MASP1: variants seen among roughly 807,000 people sequenced by gnomAD.
The protein encoded by MASP1 is MBL associated serine protease 1.
Under a neutral mutation model 77.1 loss-of-function variants are expected in MASP1, and 59 were observed. That is an observed-to-expected ratio of 0.77 (90% CI 0.62 to 0.95). The LOEUF is 0.95. Ranked by LOEUF, MASP1 falls within the 40% of genes least tolerant of loss-of-function variation. The pLI, the probability that MASP1 is intolerant of heterozygous loss-of-function variation, is 0.00. For synonymous variants in MASP1, 362 were observed against 354.5 expected (o/e 1.02, Z -0.24); for missense variants, 885 against 912.9 (o/e 0.97, Z 0.39).
rs150931081 is a variant in MASP1 at position 187,272,797 on chromosome 3, G to A, written c.238-10077C>T. Reference sequence around the variant, plus strand: ...TCAGACTTTTCACCTCCAGAACTGCGTGAGAACAAATTTCTGTTGTTAAGA... The same window carrying A: ...TCAGACTTTTCACCTCCAGAACTGCATGAGAACAAATTTCTGTTGTTAAGA... On this transcript the variant is annotated intron_variant, in intron 2 of 10. Transcript: ENST00000296280. 3.1e-3 allele frequency among the ~76,000 whole-genome samples: 479 copies of A among 152,238 alleles called. 4 individuals are homozygous for A. The highest frequency in any genetic ancestry group is 0.01 in the African/African-American group (435 of 41,544).
chr3:187,226,454 AGGGTCGGATCTTCCGGATCGAGT>A lies in MASP1; in HGVS notation c.1485_1507del (p.Leu496ThrfsTer2), dbSNP rs1712434439. 6.2e-7 allele frequency: 1 copy of A among 1,613,142 alleles called. No individual in the cohort carries two copies. Among genetic ancestry groups the A allele is most frequent in the East Asian group, 2.2e-5 (1 of 44,848 alleles). On this transcript the variant is annotated frameshift_variant, in exon 12 of 16. Transcript: ENST00000337774. LOFTEE classifies it high-confidence loss of function. ...AGGGCTGAGCAAGTCTGAATCACGT[AGGGTCGGATCTTCCGGATCGAGT>A]GACTGGTGGAGGCAGTGTGCGGCGG...
chr3:187,285,974 G>T lies in MASP1; in HGVS notation c.88C>A (p.Gln30Lys), dbSNP rs1171739491. The T allele has an allele frequency of 6.2e-7, 1 of 1,614,184 alleles. No individual in the cohort carries two copies. The highest frequency in any genetic ancestry group is 1.1e-5 in the South Asian group (1 of 91,078). ...TCTGGATAACCAGGCGACTGGATCT[G>T]GCCAAACATATTGTTTAGCTCCACG... ...HTVELNNMFG[Q>K]IQSPGYPDSY... Residue 30 changes from glutamine (Q) to lysine (K), a missense_variant, in exon 2 of 11, where the codon CAG (glutamine) becomes AAG (lysine). By Grantham distance (53) the Gln-to-Lys change is moderately conservative. Coordinates refer to ENST00000296280, the MANE Select transcript of MASP1 (RefSeq NM_139125.4).
intron 12 of MASP1, chr3:187,226,299 A>G (rs964178988): frequency 4.8e-6 from 4 of 835,694 alleles, no homozygotes; most frequent in Non-Finnish European, 8.1e-6. Flanking sequence ...TCCTGCCCTG[A>G]CAAATGAGTG....
intron 10 of MASP1, 133 bp downstream of exon 10, chr3:187,241,348 G>A (rs1210980647): frequency 1.3e-6 from 1 of 755,038 alleles, no homozygotes; most frequent in Non-Finnish European, 2.4e-6. Flanking sequence ...TTAACCTTTT[G>A]AAGACATCTC....
intron 6 of MASP1, 86 bp downstream of exon 6, chr3:187,253,082 C>T: frequency 7.0e-6 from 11 of 1,576,180 alleles, no homozygotes; most frequent in Non-Finnish European, 9.6e-6. Context: ...AGAGGAGATC[C>T]AAGCCTGCAC....
chr3:187,236,430 A>G lies in MASP1; in HGVS notation c.1441T>C (p.Phe481Leu). The G allele has an allele frequency of 6.2e-7, 1 of 1,614,032 alleles. No individual in the cohort carries two copies. Among genetic ancestry groups the G allele is most frequent in the Non-Finnish European group, 8.5e-7 (1 of 1,180,002 alleles). Residue 481 changes from phenylalanine (F) to leucine (L), a missense_variant, in exon 11 of 11, where the codon TTT becomes CTT. Coordinates refer to ENST00000296280, the MANE Select transcript of MASP1 (RefSeq NM_139125.4). ...DTSRVPNDKW[F>L]GSGALLSASW... ...GCAGAGAGCAGGGCCCCACTCCCAA[A>G]CCACTTGTCATTTGGCACTCTCGAA...
At position 187,262,966 on chromosome 3, in the gene MASP1, C is replaced by A. The variant is rs541076962; in HGVS notation, c.238-246G>T. On this transcript the variant is annotated intron_variant, in intron 2 of 10. Coordinates refer to ENST00000296280, the MANE Select transcript of MASP1 (RefSeq NM_139125.4). ...GTAGCTTGATATTTGTTGTTGCTGT[C>A]AATAACCAAGCAGCTTATTTATTAA... 8.8e-4 allele frequency: 433 copies of A among 493,872 alleles called. 5 individuals are homozygous for A. In the South Asian group the frequency reaches 0.011, roughly 13 times the overall value. The allele number at this position is 493,872 out of a possible 1,614,324, so 30.6% of individuals were successfully genotyped here.
chr3:187,223,531 A>G (rs1001736076), intron 13 of MASP1, among the ~76,000 whole-genome samples: 4 of 152,194 alleles, frequency 2.6e-5, no homozygotes, highest in Admixed American at 2.0e-4. Flanking sequence ...ATGCTGTCAC[A>G]TAGTAGGTGC....
At chr3:187,279,947 T>C (rs552136331) in intron 2 of MASP1, among the ~76,000 whole-genome samples, 25 of 152,356 alleles carry the variant, frequency 1.6e-4, no homozygotes, top group African/African-American at 6.0e-4. Flanking sequence ...TTATAGTTCA[T>C]TTTACTTCGA....
chr3:187,221,347 C>A (rs1412853518), intron 14 of MASP1, among the ~76,000 whole-genome samples: 1 of 152,178 alleles, frequency 6.6e-6, no homozygotes, highest in Non-Finnish European at 1.5e-5. Flanking sequence ...GCTGTGAAGA[C>A]CTTGGCTGTG....
intron 12 of MASP1, among the ~76,000 whole-genome samples, chr3:187,225,789 G>A (rs775851577): frequency 1.3e-5 from 2 of 152,194 alleles, no homozygotes; most frequent in Non-Finnish European, 2.9e-5. Flanking sequence ...ATCACCTTCA[G>A]TGCCTGTGTC....
At chr3:187,270,993 A>G (rs1018376804) in intron 2 of MASP1, among the ~76,000 whole-genome samples, 14 of 152,246 alleles carry the variant, frequency 9.2e-5, no homozygotes, top group African/African-American at 2.9e-4. Context: ...ATATTGTTTT[A>G]GCTGCTAAGT....
At chr3:187,224,041 C>T (rs1712229367) in intron 13 of MASP1, among the ~76,000 whole-genome samples, 1 of 152,216 alleles carries the variant, frequency 6.6e-6, no homozygotes. Flanking sequence ...TACACCTGTG[C>T]CTTTCCTGTT....
downstream of MASP1, chr3:187,234,047 C>T (rs117249297): frequency 5.8e-6 from 7 of 1,200,382 alleles, no homozygotes; most frequent in East Asian, 4.1e-4. Flanking sequence ...AATGAACACA[C>T]TTCCCCAACA....
intron 2 of MASP1, among the ~76,000 whole-genome samples, chr3:187,264,225 A>C (rs1406862632): frequency 6.6e-6 from 1 of 152,244 alleles, no homozygotes; most frequent in Non-Finnish European, 1.5e-5. Flanking sequence ...AAGTACAATT[A>C]ATCACTAACT....
exon 16 of MASP1, chr3:187,218,360 A>C (rs1246114723): frequency 2.0e-5 from 3 of 152,580 alleles, no homozygotes; most frequent in Admixed American, 2.0e-4. Context: ...AAATGGGAAG[A>C]TATGGTGTCT....
chr3:187,230,309 A>G (rs1712690514), downstream of MASP1, among the ~76,000 whole-genome samples: 1 of 152,242 alleles, frequency 6.6e-6, no homozygotes, highest in Non-Finnish European at 1.5e-5. Flanking sequence ...ATCTGCCAAC[A>G]ATCACTTCAT....
chr3:187,236,561 C>G lies in MASP1; in HGVS notation c.1310G>C (p.Gly437Ala). The change falls in exon 11 of 11, where the codon GGT becomes GCT. Residue 437 changes from glycine to alanine, a missense_variant. By Grantham distance (60) the Gly-to-Ala change is moderately conservative. Coordinates refer to ENST00000296280, the MANE Select transcript of MASP1 (RefSeq NM_139125.4). ...GCTTGGCAGGGAGCGGGAGGGCTGA[C>G]CACACTCTGTAAGGAGAAAGAGGGA... ...RSLPTCLPECGQPSRSLPSLV... is the reference protein window; with the variant it reads ...RSLPTCLPECAQPSRSLPSLV... 1 of 1,613,848 alleles carries G rather than the reference C, an allele frequency of 6.2e-7. No homozygotes were observed. The highest frequency in any genetic ancestry group is 1.1e-5 in the South Asian group (1 of 91,072).
chr3:187,226,303 A>G (rs1474817165), intron 12 of MASP1: 1 of 854,142 alleles, frequency 1.2e-6, no homozygotes, highest in East Asian at 2.7e-5. Context: ...GCCCTGACAA[A>G]TGAGTGAGCG....
Sources: gnomAD v4.1 joint callset for allele counts (sites outside exome capture counted in the v4.1 genomes callset) on GRCh38, gnomAD v4.1.1 for gene constraint, MANE v1.5 for transcripts, NCBI Gene and HGNC (gene_info 2026-07-23, HGNC 2026-07-21) for gene names.